CRACDL: variants seen among roughly 807,000 people sequenced by gnomAD.
CRACDL encodes the protein CRACD-like protein.
Under a neutral mutation model 70.6 loss-of-function variants are expected in CRACDL, and 26 were observed. The observed-to-expected ratio is 0.37, with a 90% CI of 0.27 to 0.51. The LOEUF is 0.51. Ranked by LOEUF, CRACDL falls within the 20% of genes least tolerant of loss-of-function variation. CRACDL has a pLI of 0.94. For synonymous variants in CRACDL, 618 were observed against 615.2 expected (o/e 1.00, Z -0.07); for missense variants, 1,283 against 1,376.9 (o/e 0.93, Z 1.08).
At chr2:98,907,214 C>T (rs1189773783) in intron 1 of CRACDL, among the ~76,000 whole-genome samples, 1 of 152,294 alleles carries the variant, frequency 6.6e-6, no homozygotes, top group South Asian at 2.1e-4. Context: ...ATCGCTTGAA[C>T]CCAGGAGGCG....
At position 98,902,336 on chromosome 2, in the gene CRACDL, G is replaced by A. The variant is rs569698109; in HGVS notation, c.-11+33602C>T. Among the ~76,000 whole-genome samples, 14 of 152,226 alleles carry A rather than the reference G, an allele frequency of 9.2e-5. No individual in the cohort carries two copies. The East Asian group carries it at 1.7e-3, about 19-fold the overall frequency. On this transcript the variant is annotated intron_variant, in intron 1 of 9. Transcript: ENST00000397899. ...CTGCAGGGCCCCGAGTCAGGCCTCCGGAGAAGGCCCGTGATGACCCTGCCT... is the reference window on the plus strand; with the variant it reads ...CTGCAGGGCCCCGAGTCAGGCCTCCAGAGAAGGCCCGTGATGACCCTGCCT...
intron 3 of CRACDL, among the ~76,000 whole-genome samples, chr2:98,834,845 C>A (rs1261013344): frequency 6.6e-6 from 1 of 151,996 alleles, no homozygotes; most frequent in Non-Finnish European, 1.5e-5. Flanking sequence ...ACTCCACATC[C>A]AAGATAGAAT....
intron 3 of CRACDL, among the ~76,000 whole-genome samples, chr2:98,833,847 C>T (rs1200638192): frequency 6.6e-6 from 1 of 152,214 alleles, no homozygotes; most frequent in African/African-American, 2.4e-5. Context: ...ACCCCACCCA[C>T]TTCCCTCCTG....
At chr2:98,803,427 T>C (rs1462971577) in intron 7 of CRACDL, among the ~76,000 whole-genome samples, 1 of 152,220 alleles carries the variant, frequency 6.6e-6, no homozygotes, top group Middle Eastern at 3.2e-3. Flanking sequence ...TGGGAGCCAC[T>C]GCACCCGGCC....
chr2:98,846,174 G>C (rs1397202965), intron 2 of CRACDL, among the ~76,000 whole-genome samples: 1 of 152,120 alleles, frequency 6.6e-6, no homozygotes, highest in African/African-American at 2.4e-5. Context: ...GCAATATTTG[G>C]ATAACAGTAA....
chr2:98,796,374 T>A, intron 8 of CRACDL, 110 bp from the exon 9 acceptor site: 41 of 1,129,338 alleles, frequency 3.6e-5, no homozygotes, highest in Non-Finnish European at 4.6e-5. Context: ...CCTGCACTGC[T>A]GGCACTTTCT....
intron 1 of CRACDL, among the ~76,000 whole-genome samples, chr2:98,930,292 C>G (rs1392284188): frequency 8.0e-6 from 1 of 125,000 alleles, no homozygotes; most frequent in African/African-American, 3.2e-5. Context: ...ATCTCCGTCC[C>G]CACCCTCTGT....
intron 1 of CRACDL, among the ~76,000 whole-genome samples, chr2:98,889,522 T>A (rs775944980): frequency 3.3e-5 from 5 of 152,054 alleles, no homozygotes; most frequent in Non-Finnish European, 7.4e-5. Context: ...CAAAAATACA[T>A]GAAGCAAAGC....
intron 1 of CRACDL, among the ~76,000 whole-genome samples, chr2:98,858,469 C>G (rs145474373): frequency 6.8e-6 from 1 of 146,186 alleles, no homozygotes; most frequent in Non-Finnish European, 1.5e-5. Context: ...AAGCCCAGAT[C>G]GCACCACTGC....
At chr2:98,868,768 T>A (rs1460036279) in intron 1 of CRACDL, among the ~76,000 whole-genome samples, 1 of 152,192 alleles carries the variant, frequency 6.6e-6, no homozygotes, top group Non-Finnish European at 1.5e-5. Context: ...CACGGTATGG[T>A]AAGAATGGCA....
At chr2:98,813,276 C>CA (rs1254248184) in intron 7 of CRACDL, among the ~76,000 whole-genome samples, 1 of 152,020 alleles carries the variant, frequency 6.6e-6, no homozygotes. Flanking sequence ...ACTAAAAATA[C>CA]AAAAAATTGG....
intron 1 of CRACDL, among the ~76,000 whole-genome samples, chr2:98,895,040 G>C (rs945337112): frequency 3.3e-5 from 5 of 152,184 alleles, no homozygotes; most frequent in African/African-American, 1.2e-4. Context: ...GAGCCTGGGA[G>C]ATTGAGGCTT....
chr2:98,884,520 G>C (rs1261971143), intron 1 of CRACDL, among the ~76,000 whole-genome samples: 1 of 152,236 alleles, frequency 6.6e-6, no homozygotes, highest in Non-Finnish European at 1.5e-5. Flanking sequence ...CCAGTGGACA[G>C]AGGATTGCAT....
At chr2:98,910,937 T>C (rs766594798) in intron 1 of CRACDL, among the ~76,000 whole-genome samples, 1 of 152,266 alleles carries the variant, frequency 6.6e-6, no homozygotes, top group East Asian at 1.9e-4. Context: ...AGAGGGGCTG[T>C]TCTGGGCTTA....
chr2:98,847,074 G>A (rs1706291259), intron 1 of CRACDL, among the ~76,000 whole-genome samples: 1 of 152,186 alleles, frequency 6.6e-6, no homozygotes, highest in Admixed American at 6.5e-5. Flanking sequence ...TTTACACACT[G>A]CAGATTAGGT....
At chr2:98,897,348 A>G (rs1244406094) in intron 1 of CRACDL, 1 of 1,298,360 alleles carries the variant, frequency 7.7e-7, no homozygotes, top group East Asian at 5.6e-5. Flanking sequence ...CGCTAAATAT[A>G]TATTTGCCTT....
chr2:98,915,954 C>G (rs1454322056), intron 1 of CRACDL, among the ~76,000 whole-genome samples: 1 of 152,208 alleles, frequency 6.6e-6, no homozygotes, highest in Non-Finnish European at 1.5e-5. Flanking sequence ...CAGGTGCCCA[C>G]TGGGCTGGCC....
intron 1 of CRACDL, among the ~76,000 whole-genome samples, chr2:98,868,373 G>T (rs62156503): frequency 6.6e-6 from 1 of 151,900 alleles, no homozygotes; most frequent in South Asian, 2.1e-4. Context: ...TACTGACAGA[G>T]ACTGCCCTAC....
chr2:98,795,151 C>T (rs1703765088), intron 9 of CRACDL, among the ~76,000 whole-genome samples: 1 of 144,456 alleles, frequency 6.9e-6, no homozygotes, highest in African/African-American at 2.6e-5. Flanking sequence ...TCTCAGCTCC[C>T]TGCAATCTCT....
Sources: gnomAD v4.1 joint callset for allele counts (sites outside exome capture counted in the v4.1 genomes callset) on GRCh38, gnomAD v4.1.1 for gene constraint, MANE v1.5 for transcripts, NCBI Gene and HGNC (gene_info 2026-07-23, HGNC 2026-07-21) for gene names.